The following MED27 variants were observed in gnomAD, a reference collection of about 807,000 sequenced individuals.
MED27 encodes the protein mediator of RNA polymerase II transcription subunit 27.
Under a neutral mutation model 38.2 loss-of-function variants are expected in MED27, and 30 were observed. The ratio of observed to expected loss-of-function variants is 0.79; its 90% CI spans 0.59 to 1.07. The LOEUF (loss-of-function observed/expected upper bound fraction) is 1.07. MED27 is among the 50% of genes least tolerant of loss of function. MED27 has a pLI of 0.00. For synonymous variants in MED27, 122 were observed against 153.5 expected (o/e 0.79, Z 1.52); for missense variants, 289 against 397.5 (o/e 0.73, Z 2.32).
Position 131,992,668 on chromosome 9 carries a change from C to T in MED27, c.479+21669G>A, listed in dbSNP as rs564695132. ...CCTCCCGCCTTGGCCTCTCAAAGAG[C>T]TGGGTTACAGGTATGAGCCACTGCA... On this transcript the variant is annotated intron_variant, in intron 3 of 7. Transcript: ENST00000292035. 1.1e-3 allele frequency among the ~76,000 whole-genome samples: 175 copies of T among 152,284 alleles called. 5 individuals carry two copies. The highest frequency in any genetic ancestry group is 0.011 in the Admixed American group (173 of 15,290).
chr9:132,056,295 G>A (rs1449512024), intron 2 of MED27, among the ~76,000 whole-genome samples: 2 of 152,140 alleles, frequency 1.3e-5, no homozygotes, highest in African/African-American at 4.8e-5. Flanking sequence ...AAATCTTAGC[G>A]GAGTTCTAGC....
intron 2 of MED27, among the ~76,000 whole-genome samples, chr9:132,072,175 C>T (rs539786888): frequency 7.2e-5 from 11 of 152,298 alleles, no homozygotes; most frequent in South Asian, 2.1e-4. Context: ...TGTACTATCA[C>T]GATGCCTGGT....
intron 4 of MED27, among the ~76,000 whole-genome samples, chr9:131,938,487 C>G (rs961577611): frequency 6.6e-6 from 1 of 152,154 alleles, no homozygotes; most frequent in Non-Finnish European, 1.5e-5. Flanking sequence ...GGTCTCTATG[C>G]CTTCCTAATT....
intron 3 of MED27, among the ~76,000 whole-genome samples, chr9:132,012,436 G>C (rs1341255169): frequency 6.6e-6 from 1 of 152,146 alleles, no homozygotes; most frequent in Non-Finnish European, 1.5e-5. Flanking sequence ...ACAGACACAA[G>C]CTACTTGTCG....
intron 2 of MED27, among the ~76,000 whole-genome samples, chr9:132,056,933 T>G (rs1189593939): frequency 2.6e-5 from 4 of 152,190 alleles, no homozygotes; most frequent in Non-Finnish European, 5.9e-5. Context: ...GAGGCCATCG[T>G]GCCCTGACAA....
chr9:131,998,520 G>T (rs561491385), intron 3 of MED27, among the ~76,000 whole-genome samples: 132 of 152,044 alleles, frequency 8.7e-4, no homozygotes, highest in Non-Finnish European at 1.6e-3. Context: ...TCCAGGTCTG[G>T]GTTTTCATGA....
In MED27 at chr9:131,970,804, G is replaced by A. The variant is rs139680976; in HGVS notation, c.480-31330C>T. Among the ~76,000 whole-genome samples the A allele has an allele frequency of 3.6e-3, 544 of 152,328 alleles. 3 individuals carry two copies. Among genetic ancestry groups the A allele is most frequent in the African/African-American group, 0.012 (513 of 41,564 alleles). The stretch of plus-strand genomic sequence containing the variant: ...AGCACAGCAAGATAAATGGAGGCTA[G>A]GAGGAGAACAGTAGAGAAGACAAAC... On this transcript the variant is annotated intron_variant, in intron 3 of 7. Transcript: ENST00000292035.
At chr9:132,062,237 A>G (rs1304872488) in intron 2 of MED27, among the ~76,000 whole-genome samples, 3 of 152,214 alleles carry the variant, frequency 2.0e-5, no homozygotes, top group East Asian at 1.9e-4. Flanking sequence ...AACATGCCCA[A>G]CTGGCCCCAG....
At chr9:131,876,749 C>T (rs927312411) in intron 6 of MED27, among the ~76,000 whole-genome samples, 1 of 152,126 alleles carries the variant, frequency 6.6e-6, no homozygotes, top group Admixed American at 6.5e-5. Flanking sequence ...TGAAGCCTGT[C>T]GCCAGCCCAC....
At chr9:131,915,511 A>G (rs1440400141) in intron 4 of MED27, among the ~76,000 whole-genome samples, 1 of 152,236 alleles carries the variant, frequency 6.6e-6, no homozygotes, top group East Asian at 1.9e-4. Context: ...TCTAGGTTTG[A>G]TTAAAGAACC....
intron 3 of MED27, among the ~76,000 whole-genome samples, chr9:131,956,837 A>AC (rs1282804806): frequency 6.6e-6 from 1 of 152,144 alleles, no homozygotes; most frequent in African/African-American, 2.4e-5. Context: ...AAAAAAAAAA[A>AC]ACACATACAC....
At chr9:131,874,907 C>T (rs866624701) in intron 6 of MED27, among the ~76,000 whole-genome samples, 9 of 152,222 alleles carry the variant, frequency 5.9e-5, no homozygotes, top group South Asian at 2.1e-4. Flanking sequence ...GTCAGAGAAA[C>T]ATCCAAAGAC....
At chr9:131,895,904 G>GT (rs112200736) in intron 4 of MED27, among the ~76,000 whole-genome samples, 19,376 of 144,942 alleles carry the variant, frequency 0.13, 2,119 homozygotes, top group East Asian at 0.43. Context: ...AGTTATAGTT[G>GT]TTTTTTTTTT....
chr9:131,934,291 TA>T (rs1161739589), intron 4 of MED27, among the ~76,000 whole-genome samples: 1 of 152,150 alleles, frequency 6.6e-6, no homozygotes, highest in Non-Finnish European at 1.5e-5. Flanking sequence ...CATATCAAGT[TA>T]AAAAGCTTCT....
At chr9:131,924,268 A>G (rs1426927580) in intron 4 of MED27, among the ~76,000 whole-genome samples, 1 of 152,082 alleles carries the variant, frequency 6.6e-6, no homozygotes, top group Non-Finnish European at 1.5e-5. Context: ...ATTTTTGCCA[A>G]TCTGGTAGGT....
In MED27 at chr9:131,997,736, CCTAG is replaced by C. The variant is rs1832122634; in HGVS notation, c.479+16597_479+16600del. ...GGTTTGAATTCCAGTCCCAGCACTT[CCTAG>C]CTGGGGGCCTCCAGACAAGGTGGGA... On this transcript the variant is annotated intron_variant, in intron 3 of 7. Transcript: ENST00000292035. This position sits in a 1 kb window ranked among gnomAD's most constrained non-coding sequence, Gnocchi z 4.0. Among the ~76,000 whole-genome samples the C allele has an allele frequency of 6.6e-6, 1 of 152,242 alleles. No individual in the cohort carries two copies. The highest frequency in any genetic ancestry group is 2.4e-5 in the African/African-American group (1 of 41,460).
intron 2 of MED27, among the ~76,000 whole-genome samples, chr9:132,044,243 C>CTAT (rs1833283490): frequency 6.6e-6 from 1 of 152,190 alleles, no homozygotes; most frequent in East Asian, 1.9e-4. Context: ...CCACCTAACT[C>CTAT]TCTAGACTGT....
intron 3 of MED27, among the ~76,000 whole-genome samples, chr9:131,953,228 A>G (rs946639853): frequency 6.6e-6 from 1 of 152,218 alleles, no homozygotes. Flanking sequence ...CAGGTACCCC[A>G]GTCTGGTTTT....
At chr9:131,979,673 C>A (rs1831689147) in intron 3 of MED27, among the ~76,000 whole-genome samples, 1 of 152,140 alleles carries the variant, frequency 6.6e-6, no homozygotes, top group African/African-American at 2.4e-5. Flanking sequence ...TAAACTCCCC[C>A]ATTTTAGGAA....
Sources: gnomAD v4.1 joint callset for allele counts (sites outside exome capture counted in the v4.1 genomes callset) on GRCh38, gnomAD v4.1.1 for gene constraint, Gnocchi (gnomAD v3.1) non-coding constraint, MANE v1.5 for transcripts, NCBI Gene and HGNC (gene_info 2026-07-23, HGNC 2026-07-21) for gene names.